The following USP7 variants were observed in gnomAD, a reference collection of about 807,000 sequenced individuals.
The protein encoded by USP7 is ubiquitin C-terminal hydrolase 7.
A neutral mutation model predicts 162.9 loss-of-function variants in USP7; 9 were observed. That is an observed-to-expected ratio of 0.06 (90% CI 0.03 to 0.10). The LOEUF (loss-of-function observed/expected upper bound fraction) is 0.10, where lower values mean the gene tolerates loss of function less well. Among genes scored for constraint, USP7 ranks in the 10% least tolerant of loss-of-function variants. USP7 has a pLI of 1.00. For synonymous variants in USP7, 562 were observed against 475.9 expected (o/e 1.18, Z -2.35); for missense variants, 715 against 1,373.7 (o/e 0.52, Z 7.58).
At chr16:8,940,205 A>G (rs577798624) in intron 1 of USP7, among the ~76,000 whole-genome samples, 1 of 152,276 alleles carries the variant, frequency 6.6e-6, no homozygotes, top group Non-Finnish European at 1.5e-5. Flanking sequence ...CTGCCTATCT[A>G]CGCATCCTAT....
chr16:8,922,330 A>C (rs917836602), intron 3 of USP7, among the ~76,000 whole-genome samples: 1 of 152,198 alleles, frequency 6.6e-6, no homozygotes, highest in Admixed American at 6.5e-5. Context: ...CCCTATGAAA[A>C]ATACAAAATT....
At chr16:8,921,721 C>T (rs1435138068) in intron 3 of USP7, among the ~76,000 whole-genome samples, 4 of 152,138 alleles carry the variant, frequency 2.6e-5, no homozygotes, top group African/African-American at 9.7e-5. Context: ...AGCTCTGTGG[C>T]CTTAGAGCTT....
In USP7 at chr16:8,898,347, T is replaced by TA. The variant is rs750242895; in HGVS notation, c.2718+12dup. On this transcript the variant is annotated intron_variant, in intron 25 of 30. Transcript: ENST00000344836. ...CAATAAAAATTAAAATTCATAGTAT[T>TA]AAAAAAACTTACCTCTTCCCTAAAT... is the stretch of plus-strand genomic sequence containing the variant. The TA allele has an allele frequency of 1.6e-5, 26 of 1,587,112 alleles. No individual in the cohort carries two copies. The highest frequency in any genetic ancestry group is 2.1e-5 in the Non-Finnish European group (25 of 1,166,316).
rs754262044 is a variant in USP7, at chr16:8,923,339, T to C, written c.259A>G (p.Ser87Gly). Residue 87 changes from serine to glycine, a missense_variant, in exon 3 of 31, where the codon AGC (serine) becomes GGC (glycine). Ser to Gly is a moderately conservative substitution (Grantham distance 56, BLOSUM62 0). Around this residue, in one of 11 missense-constraint regions of USP7, gnomAD observed 137 missense variants for 123.5 expected, o/e 1.11. Transcript: ENST00000344836. ...AGATTTCGCACAAAACACGGAGGGC[T>C]AAGGACCGACTCACTCAGTCTGCTG... ...RFSRLSESVL[S>G]PPCFVRNLPW... 1 of 1,614,222 alleles carries C rather than the reference T, an allele frequency of 6.2e-7. No individual in the cohort carries two copies. Among genetic ancestry groups the C allele is most frequent in the South Asian group, 1.1e-5 (1 of 91,090 alleles).
In USP7 at chr16:8,952,304, T is replaced by C. The variant is rs139348494; in HGVS notation, c.79+10903A>G. On this transcript the variant is annotated intron_variant, in intron 1 of 30. Coordinates refer to ENST00000344836, the MANE Select transcript of USP7 (RefSeq NM_003470.3). ...CTACTTTATGACCAATAGCACTTACTGGCTATGGTGAAGCCGGACCACATG... is the reference window on the plus strand; with the variant it reads ...CTACTTTATGACCAATAGCACTTACCGGCTATGGTGAAGCCGGACCACATG... Among the ~76,000 whole-genome samples, 1,097 of 152,322 alleles carry C rather than the reference T, an allele frequency of 7.2e-3. 14 individuals carry two copies. The highest frequency in any genetic ancestry group is 0.025 in the African/African-American group (1,054 of 41,560).
At chr16:8,929,832 G>A (rs1170385946) in intron 2 of USP7, among the ~76,000 whole-genome samples, 1 of 152,198 alleles carries the variant, frequency 6.6e-6, no homozygotes, top group African/African-American at 2.4e-5. Context: ...GAGAATGAAG[G>A]CCAAAGCTTG....
intron 2 of USP7, among the ~76,000 whole-genome samples, chr16:8,924,675 C>G (rs1398717974): frequency 2.0e-5 from 3 of 152,264 alleles, no homozygotes; most frequent in Admixed American, 1.3e-4. Context: ...ACTGAGTTCT[C>G]AGCATCAGCC....
At chr16:8,962,533 G>T (rs1213505506) in intron 1 of USP7, 1 of 444,650 alleles carries the variant, frequency 2.2e-6, no homozygotes, top group South Asian at 1.6e-5. Flanking sequence ...GCTTTCGCAC[G>T]GTTGCAAGCG....
chr16:8,899,565 G>A, intron 22 of USP7, 39 bp downstream of exon 22: 1 of 1,602,248 alleles, frequency 6.2e-7, no homozygotes, highest in Non-Finnish European at 8.5e-7. Flanking sequence ...TGTCTTTCTG[G>A]AGTGGGATCT....
Position 8,931,513 on chromosome 16 carries a change from G to A in USP7, c.80-1116C>T, listed in dbSNP as rs555479459. Reference sequence around the variant, plus strand: ...TCAAATCATCACCCTCAAGGTGTCAGTGGACAATTCCTGTATAATTATGTA... The same window carrying A: ...TCAAATCATCACCCTCAAGGTGTCAATGGACAATTCCTGTATAATTATGTA... On this transcript the variant is annotated intron_variant, in intron 1 of 30. Transcript: ENST00000344836. Among the ~76,000 whole-genome samples the A allele has an allele frequency of 3.9e-5, 6 of 152,328 alleles. No homozygotes were observed. The South Asian group carries it at 1.2e-3, about 32-fold the overall frequency.
chr16:8,957,253 A>G (rs1163985467), intron 1 of USP7, among the ~76,000 whole-genome samples: 1 of 152,234 alleles, frequency 6.6e-6, no homozygotes, highest in Non-Finnish European at 1.5e-5. Context: ...CATGACACTT[A>G]AAACCCTGCT....
At position 8,900,593 on chromosome 16, in the gene USP7, T is replaced by C. The variant is rs780900283; in HGVS notation, c.2246A>G (p.Tyr749Cys). Reference protein sequence around the residue: ...KPNLTERIQDYDVSLDKALDE... With the variant: ...KPNLTERIQDCDVSLDKALDE... ...AAGGGCTTTATCAAGAGACACGTCA[T>C]AGTCCTGAATTCTCTCTGTTAAATT... is the stretch of plus-strand genomic sequence containing the variant. Residue 749 changes from tyrosine (Y) to cysteine (C), a missense_variant, in exon 21 of 31, where the codon TAT becomes TGT. Physicochemically the swap from Tyr to Cys is radical, Grantham distance 194. Around this residue, in one of 11 missense-constraint regions of USP7, gnomAD observed 222 missense variants for 441.7 expected, o/e 0.50. Transcript: ENST00000344836. 5 of 1,611,990 alleles carry C rather than the reference T, an allele frequency of 3.1e-6. No individual in the cohort carries two copies. Among genetic ancestry groups the C allele is most frequent in the Non-Finnish European group, 4.2e-6 (5 of 1,179,640 alleles).
intron 1 of USP7, among the ~76,000 whole-genome samples, chr16:8,944,645 C>G (rs1242695467): frequency 6.6e-6 from 1 of 152,030 alleles, no homozygotes; most frequent in African/African-American, 2.4e-5. Context: ...ATTTTTTTCT[C>G]TTTTGCACCA....
At chr16:8,908,301 T>G (rs770536551) in intron 12 of USP7, 40 bp downstream of exon 12, 28 of 1,510,770 alleles carry the variant, frequency 1.9e-5, no homozygotes, top group Middle Eastern at 2.1e-4. Context: ...TAGACCAGCA[T>G]GATGATGAAA....
chr16:8,916,985 A>AAAAC, intron 7 of USP7, 41 bp downstream of exon 7: 1 of 1,514,550 alleles, frequency 6.6e-7, no homozygotes, highest in Non-Finnish European at 8.8e-7. Context: ...AAAAAAAAAA[A>AAAAC]AGAGGAAGCA....
chr16:8,920,045 T>C lies in USP7; in HGVS notation c.611+314A>G, dbSNP rs574685149. On this transcript the variant is annotated intron_variant, in intron 5 of 30. Coordinates refer to ENST00000344836, the MANE Select transcript of USP7 (RefSeq NM_003470.3). ...CCCTCATCAAAGTAACAACGGAGCA[T>C]CTCTGCTCTGGGTATTTATGTACCG... Among the ~76,000 whole-genome samples, 10 of 152,316 alleles carry C rather than the reference T, an allele frequency of 6.6e-5. No homozygotes were observed. In the South Asian group the frequency reaches 2.1e-3, roughly 32 times the overall value.
In USP7 at chr16:8,919,157, G is replaced by A; in HGVS notation, c.612-18C>T. The A allele has an allele frequency of 1.2e-6, 2 of 1,612,744 alleles. No homozygotes were observed. The highest frequency in any genetic ancestry group is 1.7e-6 in the Non-Finnish European group (2 of 1,178,896). ...AATCCCACCTGAAAGATCAGTTCAA[G>A]GTTGAGGGGATCTTGCAGATACCCC... is the stretch of plus-strand genomic sequence containing the variant. On this transcript the variant is annotated intron_variant, in intron 5 of 30. Transcript: ENST00000344836.
intron 27 of USP7, 66 bp from the exon 28 acceptor site, chr16:8,895,216 C>A: frequency 1.2e-6 from 2 of 1,609,840 alleles, no homozygotes; most frequent in South Asian, 2.2e-5. Context: ...GTCCACATCT[C>A]AATTCTCACA....
At position 8,928,347 on chromosome 16, in the gene USP7, G is replaced by C. The variant is rs147091385; in HGVS notation, c.184+1946C>G. On this transcript the variant is annotated intron_variant, in intron 2 of 30. Coordinates refer to ENST00000344836, the MANE Select transcript of USP7 (RefSeq NM_003470.3). The stretch of plus-strand genomic sequence containing the variant: ...AAGGACACAGGACACTCAAAAAAAG[G>C]GGGAGCTCTGAAGTCCAGAGTCTTA... Among the ~76,000 whole-genome samples the C allele has an allele frequency of 8.9e-4, 135 of 152,252 alleles. 1 individual carries two copies. In the East Asian group the frequency reaches 0.013, roughly 15 times the overall value.
Sources: allele counts gnomAD v4.1 joint callset (sites outside exome capture counted in the v4.1 genomes callset), GRCh38; gene constraint gnomAD v4.1.1; regional missense constraint gnomAD v4.1.1; transcripts MANE v1.5; gene names NCBI Gene and HGNC (gene_info 2026-07-23, HGNC 2026-07-21).